The following HNF4G variants were observed in gnomAD, a reference collection of about 807,000 sequenced individuals.
HNF4G encodes the protein hepatocyte nuclear factor 4 gamma, also known as hepatocyte nuclear factor 4-gamma.
In HNF4G, 21 loss-of-function variants were observed where a neutral mutation model predicts 50.9. The observed-to-expected ratio is 0.41, with a 90% CI of 0.29 to 0.59. HNF4G has a LOEUF of 0.59. Among genes scored for constraint, HNF4G ranks in the 20% least tolerant of loss-of-function variants. HNF4G has a pLI of 0.26. For missense variants in HNF4G, 527 were observed against 559.4 expected (o/e 0.94, Z 0.58); for synonymous variants, 198 against 185.6 (o/e 1.07, Z -0.54).
At chr8:75,514,600 T>G (rs1277324755) in intron 2 of HNF4G, among the ~76,000 whole-genome samples, 1 of 151,994 alleles carries the variant, frequency 6.6e-6, no homozygotes, top group Admixed American at 6.6e-5. Flanking sequence ...ATTTGTCTGC[T>G]TTGGCCTCTC....
intron 2 of HNF4G, among the ~76,000 whole-genome samples, chr8:75,526,475 T>C (rs1013095447): frequency 2.6e-5 from 4 of 152,158 alleles, no homozygotes; most frequent in African/African-American, 9.6e-5. Flanking sequence ...TGCTCTTCCT[T>C]CTTGTTTCAG....
chr8:75,460,118 A>G (rs973276021), intron 1 of HNF4G, among the ~76,000 whole-genome samples: 2 of 152,064 alleles, frequency 1.3e-5, no homozygotes, highest in Admixed American at 6.6e-5. Flanking sequence ...AGAGAAAAAA[A>G]CAAACCTAAA....
chr8:75,505,100 T>C (rs1469349848), intron 2 of HNF4G, among the ~76,000 whole-genome samples: 1 of 152,132 alleles, frequency 6.6e-6, no homozygotes, highest in Non-Finnish European at 1.5e-5. Context: ...TTTACTAGGG[T>C]TTCGAGGGAA....
In HNF4G at chr8:75,564,362, A is replaced by T. The variant is rs1807402732; in HGVS notation, c.*266A>T. The T allele has an allele frequency of 4.1e-5, 12 of 291,486 alleles. No individual in the cohort carries two copies. The South Asian group carries it at 1.1e-3, about 27-fold the overall frequency. The allele number at this position is 291,486 out of a possible 1,614,324, so 18.1% of individuals were successfully genotyped here. A position where few individuals can be genotyped will look rare whatever the true frequency, so the allele number is the denominator to read the frequency against. On this transcript the variant is annotated 3_prime_UTR_variant, in exon 10 of 10. Coordinates refer to ENST00000396423, the MANE Select transcript of HNF4G (RefSeq NM_004133.5). ...ACTGCCCCTGCATTGTGCCTGAACC[A>T]ATTGAATCTTATGTATGAGTTTCAT...
intron 2 of HNF4G, among the ~76,000 whole-genome samples, chr8:75,527,807 A>C (rs2130759732): frequency 6.6e-6 from 1 of 152,314 alleles, no homozygotes; most frequent in Middle Eastern, 3.4e-3. Context: ...CATTTATAAA[A>C]TGTATCTTTG....
chr8:75,508,464 T>A (rs1171103772), intron 2 of HNF4G, among the ~76,000 whole-genome samples: 3 of 152,100 alleles, frequency 2.0e-5, no homozygotes, highest in Non-Finnish European at 2.9e-5. Flanking sequence ...TATTGGGCCT[T>A]AATAACTGTA....
chr8:75,458,430 CTAA>C (rs2130599389), intron 1 of HNF4G, among the ~76,000 whole-genome samples: 2 of 134,260 alleles, frequency 1.5e-5, no homozygotes, highest in South Asian at 5.0e-4. Context: ...GAGGGAAACT[CTAA>C]AGATAAAGAC....
intron 2 of HNF4G, among the ~76,000 whole-genome samples, chr8:75,520,886 G>A (rs1806022730): frequency 6.6e-6 from 1 of 151,726 alleles, no homozygotes; most frequent in Non-Finnish European, 1.5e-5. Flanking sequence ...ACTTTCACAA[G>A]TAACCTAAAA....
At chr8:75,463,145 C>A (rs1811892870) in intron 1 of HNF4G, among the ~76,000 whole-genome samples, 1 of 148,236 alleles carries the variant, frequency 6.7e-6, no homozygotes. Flanking sequence ...TTTTCTCATT[C>A]CATTTTAGGA....
intron 1 of HNF4G, among the ~76,000 whole-genome samples, chr8:75,450,287 C>T (rs1396517780): frequency 2.6e-5 from 4 of 152,238 alleles, no homozygotes; most frequent in African/African-American, 7.2e-5. Flanking sequence ...CATGTCTTGG[C>T]TATTGTGAAT....
At chr8:75,549,496 A>AT (rs150329864) in intron 3 of HNF4G, among the ~76,000 whole-genome samples, 6,522 of 151,840 alleles carry the variant, frequency 0.043, 396 homozygotes, top group African/African-American at 0.13. Flanking sequence ...AGTAAGTATG[A>AT]TTTTAAAATA....
intron 1 of HNF4G, among the ~76,000 whole-genome samples, chr8:75,435,668 A>G (rs1476067613): frequency 6.6e-6 from 1 of 152,194 alleles, no homozygotes; most frequent in Non-Finnish European, 1.5e-5. Context: ...ATCTGGGCTC[A>G]CTGCATCTTC....
intron 2 of HNF4G, among the ~76,000 whole-genome samples, chr8:75,494,300 G>GCACACACACA (rs755362411): frequency 5.2e-5 from 4 of 77,264 alleles, no homozygotes; most frequent in East Asian, 6.0e-4. Flanking sequence ...CTCCCATACA[G>GCACACACACA]CACACACACA....
At chr8:75,430,481 AGAGAGAGAGAGAGAGAGAGAGG>A (rs992309963) in intron 1 of HNF4G, among the ~76,000 whole-genome samples, 4 of 144,864 alleles carry the variant, frequency 2.8e-5, no homozygotes, top group African/African-American at 1.1e-4. Context: ...GAGTAGAGAG[AGAGAGAGAGAGAGAGAGAGAGG>A]GAGAGAGAGA....
At chr8:75,552,987 G>A (rs1563552409) in intron 4 of HNF4G, 55 bp from the exon 5 acceptor site, 1 of 1,290,930 alleles carries the variant, frequency 7.7e-7, no homozygotes. Context: ...AAAAAAAGGG[G>A]AATGTTGGCC....
At position 75,414,842 on chromosome 8, in the gene HNF4G, C is replaced by T. The variant is rs369653703; in HGVS notation, c.-144+6680C>T. On this transcript the variant is annotated intron_variant, in intron 1 of 10. Coordinates refer to the HNF4G transcript ENST00000354370. ...TCCAGGTTTTGGCTATCACAAATAA[C>T]GCTGCTATGAACTTTCTTGTATCAA... Among the ~76,000 whole-genome samples the T allele has an allele frequency of 1.1e-4, 16 of 152,262 alleles. No individual in the cohort carries two copies. In the East Asian group the frequency reaches 1.2e-3, roughly 11 times the overall value.
chr8:75,548,529 C>G (rs529081052), intron 3 of HNF4G, among the ~76,000 whole-genome samples: 23 of 152,156 alleles, frequency 1.5e-4, no homozygotes, highest in African/African-American at 4.3e-4. Context: ...ACTAGATGTG[C>G]TATTTTAGTG....
chr8:75,452,227 G>A (rs1811600703), intron 1 of HNF4G, among the ~76,000 whole-genome samples: 1 of 151,954 alleles, frequency 6.6e-6, no homozygotes, highest in Non-Finnish European at 1.5e-5. Flanking sequence ...AAGAACAAAA[G>A]TTATAATATT....
At chr8:75,442,470 A>G (rs1811309878) in intron 1 of HNF4G, among the ~76,000 whole-genome samples, 1 of 152,164 alleles carries the variant, frequency 6.6e-6, no homozygotes, top group Non-Finnish European at 1.5e-5. Flanking sequence ...GCACTGTGGA[A>G]GGCCAAGGTG....
Sources: gnomAD v4.1 joint callset for allele counts (sites outside exome capture counted in the v4.1 genomes callset) on GRCh38, gnomAD v4.1.1 for gene constraint, MANE v1.5 for transcripts, NCBI Gene and HGNC (gene_info 2026-07-23, HGNC 2026-07-21) for gene names.